Variants in MTAP observed in about 807,000 individuals in gnomAD.
The protein encoded by MTAP is S-methyl-5'-thioadenosine phosphorylase.
In MTAP, 33 loss-of-function variants were observed where a neutral mutation model predicts 33.6. The ratio of observed to expected loss-of-function variants is 0.98; its 90% CI spans 0.74 to 1.31. The LOEUF (loss-of-function observed/expected upper bound fraction) is 1.31. Ranked by LOEUF, MTAP falls within the 40% of genes most tolerant of loss-of-function variation. The pLI, the probability that MTAP is intolerant of heterozygous loss-of-function variation, is 0.00. For missense variants in MTAP, 367 were observed against 360.0 expected (o/e 1.02, Z -0.16); for synonymous variants, 148 against 125.7 (o/e 1.18, Z -1.19).
intron 4 of MTAP, among the ~76,000 whole-genome samples, chr9:21,836,204 C>T (rs1825102254): frequency 6.6e-6 from 1 of 151,960 alleles, no homozygotes; most frequent in Admixed American, 6.6e-5. Context: ...AATGAAGAAT[C>T]AAAAAGATAT....
At chr9:21,802,875 G>T (rs778403391) in intron 1 of MTAP, 94 bp downstream of exon 1, 1 of 1,537,386 alleles carries the variant, frequency 6.5e-7, no homozygotes, top group Non-Finnish European at 8.7e-7. Flanking sequence ...CCATGCGCCC[G>T]GCCCGTGCGT....
chr9:21,816,171 A>G (rs559931640), intron 2 of MTAP, among the ~76,000 whole-genome samples: 1 of 152,058 alleles, frequency 6.6e-6, no homozygotes, highest in Non-Finnish European at 1.5e-5. Flanking sequence ...CTTTTCAGCT[A>G]AATTCTTAGG....
At chr9:21,823,921 C>T (rs1012935509) in intron 4 of MTAP, among the ~76,000 whole-genome samples, 24 of 152,192 alleles carry the variant, frequency 1.6e-4, no homozygotes, top group Admixed American at 1.2e-3. Flanking sequence ...CTTGTGCATT[C>T]GTCACGTAGT....
intron 4 of MTAP, among the ~76,000 whole-genome samples, chr9:21,819,097 A>T (rs1824561996): frequency 6.6e-6 from 1 of 151,128 alleles, no homozygotes; most frequent in Non-Finnish European, 1.5e-5. Context: ...TTCTCTTTTA[A>T]GGCTAAATGG....
Position 21,865,406 on chromosome 9 carries a change from G to A in MTAP, c.*3392G>A. 4 of 969,708 alleles carry A rather than the reference G, an allele frequency of 4.1e-6. No homozygotes were observed. Among genetic ancestry groups the A allele is most frequent in the Non-Finnish European group, 4.9e-6 (4 of 815,596 alleles). The allele number at this position is 969,708 out of a possible 1,614,324, so 60.1% of individuals were successfully genotyped here. A position where few individuals can be genotyped will look rare whatever the true frequency, so the allele number is the denominator to read the frequency against. The stretch of plus-strand genomic sequence containing the variant: ...TCCTTTATAAATTACCCAGTCATGG[G>A]CAGTCCTTTACAGCAGCATGAGAAT... On this transcript the variant is annotated 3_prime_UTR_variant, in exon 8 of 8. Transcript: ENST00000644715.
downstream of MTAP, among the ~76,000 whole-genome samples, chr9:21,940,722 T>G (rs1819124182): frequency 6.6e-6 from 1 of 152,178 alleles, no homozygotes; most frequent in South Asian, 2.1e-4. Flanking sequence ...TGGGGCAAGG[T>G]ATGGGGGCTC....
chr9:21,875,111 C>G (rs1212452787), intron 1 of MTAP, among the ~76,000 whole-genome samples: 2 of 152,094 alleles, frequency 1.3e-5, no homozygotes, highest in Non-Finnish European at 2.9e-5. Flanking sequence ...CAAGTCTTTA[C>G]TCTTGTGAAT....
chr9:21,838,021 T>C lies in MTAP; in HGVS notation c.450+11T>C. 6.2e-7 allele frequency: 1 copy of C among 1,608,670 alleles called. No individual in the cohort carries two copies. The highest frequency in any genetic ancestry group is 8.5e-7 in the Non-Finnish European group (1 of 1,175,196). On this transcript the variant is annotated intron_variant, in intron 5 of 7. Coordinates refer to ENST00000644715, the MANE Select transcript of MTAP (RefSeq NM_002451.4). ...CCCAAAACGAGAGAGGTGTGTAGTC[T>C]TTCTGGAAGGTGTACCAGAATAAAT...
chr9:21,836,387 C>T (rs769736408), intron 4 of MTAP, among the ~76,000 whole-genome samples: 9 of 151,976 alleles, frequency 5.9e-5, no homozygotes, highest in Admixed American at 1.3e-4. Flanking sequence ...AAAACAAAGG[C>T]GGGGGTTCCA....
intron 1 of MTAP, among the ~76,000 whole-genome samples, chr9:21,874,382 A>G (rs1472258351): frequency 6.6e-6 from 1 of 152,196 alleles, no homozygotes; most frequent in Non-Finnish European, 1.5e-5. Flanking sequence ...ATGTGTTATA[A>G]ATGCCATGTT....
At chr9:21,808,433 A>C (rs1020556646) in intron 1 of MTAP, among the ~76,000 whole-genome samples, 6 of 148,782 alleles carry the variant, frequency 4.0e-5, no homozygotes, top group Non-Finnish European at 7.5e-5. Flanking sequence ...AAAAAAAAAA[A>C]CAAAAAAATT....
At position 21,864,632 on chromosome 9, in the gene MTAP, C is replaced by T. The variant is rs1825820181; in HGVS notation, c.*2618C>T. The T allele has an allele frequency of 5.1e-6, 5 of 985,416 alleles. No individual in the cohort carries two copies. The highest frequency in any genetic ancestry group is 6.0e-6 in the Non-Finnish European group (5 of 830,006). 61.0% of individuals were successfully genotyped at this position (985,416 alleles called of 1,614,324 possible). ...TGACCTGGCCCCTGTTCACTGCCCC[C>T]TTCGCTAGCACGAGTTGCTGTGCAG... On this transcript the variant is annotated 3_prime_UTR_variant, in exon 8 of 8. Coordinates refer to ENST00000644715, the MANE Select transcript of MTAP (RefSeq NM_002451.4).
chr9:21,930,693 C>A (rs1818943436), intron 1 of MTAP: 1 of 569,964 alleles, frequency 1.8e-6, no homozygotes, highest in Non-Finnish European at 3.1e-6. Context: ...AGTTGTAGTC[C>A]TCCAAAACTG....
chr9:21,921,297 C>G (rs1429854617), intron 1 of MTAP, among the ~76,000 whole-genome samples: 1 of 151,854 alleles, frequency 6.6e-6, no homozygotes, highest in Non-Finnish European at 1.5e-5. Flanking sequence ...GGTCTTTTCT[C>G]TTTTGTTCTT....
chr9:21,894,751 A>T (rs188142056), intron 1 of MTAP, among the ~76,000 whole-genome samples: 191 of 151,750 alleles, frequency 1.3e-3, no homozygotes, highest in African/African-American at 3.9e-3. Flanking sequence ...GTAATTAAAA[A>T]ATATATATAT....
intron 1 of MTAP, among the ~76,000 whole-genome samples, chr9:21,807,259 A>G (rs1824230250): frequency 6.6e-6 from 1 of 152,202 alleles, no homozygotes; most frequent in Non-Finnish European, 1.5e-5. Flanking sequence ...AGCTATCAAC[A>G]TAATGATATT....
chr9:21,824,648 G>A (rs1379858363), intron 4 of MTAP, among the ~76,000 whole-genome samples: 1 of 152,200 alleles, frequency 6.6e-6, no homozygotes, highest in Non-Finnish European at 1.5e-5. Context: ...GGACATTTAA[G>A]TCTGCAGAGG....
intron 1 of MTAP, among the ~76,000 whole-genome samples, chr9:21,927,610 T>C (rs1563873806): frequency 6.6e-6 from 1 of 152,194 alleles, no homozygotes; most frequent in Admixed American, 6.5e-5. Flanking sequence ...AGATGAAATA[T>C]GGTTTTCAGA....
intron 4 of MTAP, among the ~76,000 whole-genome samples, chr9:21,823,042 TC>T (rs1824686945): frequency 6.6e-6 from 1 of 152,250 alleles, no homozygotes; most frequent in Non-Finnish European, 1.5e-5. Context: ...GAGTTGGGTC[TC>T]CTGAATACAG....
Sources: allele counts gnomAD v4.1 joint callset (sites outside exome capture counted in the v4.1 genomes callset), GRCh38; gene constraint gnomAD v4.1.1; transcripts MANE v1.5; gene names NCBI Gene and HGNC (gene_info 2026-07-23, HGNC 2026-07-21).